AUH: variants seen among roughly 807,000 people sequenced by gnomAD.
AUH encodes methylglutaconyl-CoA hydratase, mitochondrial.
A neutral mutation model predicts 42.3 loss-of-function variants in AUH; 29 were observed. The observed-to-expected ratio is 0.69, with a 90% CI of 0.51 to 0.93. The LOEUF is 0.93. Ranked by LOEUF, AUH falls within the 40% of genes least tolerant of loss-of-function variation. The pLI, the probability that AUH is intolerant of heterozygous loss-of-function variation, is 0.00. For synonymous variants in AUH, 174 were observed against 166.4 expected (o/e 1.05, Z -0.35); for missense variants, 452 against 438.1 (o/e 1.03, Z -0.28).
At chr9:91,307,690 C>T (rs1473321323) in intron 4 of AUH, among the ~76,000 whole-genome samples, 1 of 152,076 alleles carries the variant, frequency 6.6e-6, no homozygotes, top group Non-Finnish European at 1.5e-5. Flanking sequence ...CCGTTTTATT[C>T]CTAGTTATTG....
chr9:91,254,973 A>T (rs943457377), intron 6 of AUH, among the ~76,000 whole-genome samples: 5 of 152,232 alleles, frequency 3.3e-5, no homozygotes, highest in Admixed American at 1.3e-4. Flanking sequence ...GCATAAACTC[A>T]AAGGAAAACT....
intron 4 of AUH, among the ~76,000 whole-genome samples, chr9:91,308,774 T>C (rs1828433908): frequency 6.6e-6 from 1 of 151,832 alleles, no homozygotes; most frequent in Admixed American, 6.6e-5. Flanking sequence ...TTTGAAAATG[T>C]TCCTTATTAA....
chr9:91,361,876 A>AC lies in AUH; in HGVS notation c.13dup (p.Val5GlyfsTer66). Reference sequence around the variant, plus strand: ...TCCCAAGGCCCCAGGTGCCGCCGCCACCGCGGCCGCCATGTTGTCTGTTTA... The same window carrying AC: ...TCCCAAGGCCCCAGGTGCCGCCGCCACCCGCGGCCGCCATGTTGTCTGTTTA... On this transcript the variant is annotated frameshift_variant, in exon 1 of 10. Coordinates refer to ENST00000375731, the MANE Select transcript of AUH (RefSeq NM_001698.3). LOFTEE classifies it high-confidence loss of function. 6.8e-7 allele frequency: 1 copy of AC among 1,465,618 alleles called. No homozygotes were observed. The highest frequency in any genetic ancestry group is 9.0e-7 in the Non-Finnish European group (1 of 1,115,066). 90.8% of individuals were successfully genotyped at this position (1,465,618 alleles called of 1,614,324 possible).
At chr9:91,308,981 G>A (rs1828459971) in intron 4 of AUH, among the ~76,000 whole-genome samples, 1 of 151,586 alleles carries the variant, frequency 6.6e-6, no homozygotes, top group South Asian at 2.1e-4. Context: ...TAGCAGCGAT[G>A]GGGTTTCACC....
intron 6 of AUH, among the ~76,000 whole-genome samples, chr9:91,259,225 CTCATG>C (rs1829572593): frequency 6.6e-6 from 1 of 152,174 alleles, no homozygotes; most frequent in African/African-American, 2.4e-5. Context: ...ATTCCCTATT[CTCATG>C]TCATGTTTTG....
At chr9:91,254,034 G>A (rs937926930) in intron 6 of AUH, among the ~76,000 whole-genome samples, 9 of 152,104 alleles carry the variant, frequency 5.9e-5, no homozygotes, top group Non-Finnish European at 1.2e-4. Flanking sequence ...TAAAACTAAT[G>A]TCCTTTCTGG....
intron 5 of AUH, among the ~76,000 whole-genome samples, chr9:91,297,124 G>A (rs560390874): frequency 2.0e-5 from 3 of 152,338 alleles, no homozygotes; most frequent in East Asian, 1.9e-4. Context: ...ATCAGTCTAC[G>A]TTGCTCTCAT....
At chr9:91,242,149 A>G (rs1429260252) in intron 6 of AUH, among the ~76,000 whole-genome samples, 1 of 152,174 alleles carries the variant, frequency 6.6e-6, no homozygotes, top group Non-Finnish European at 1.5e-5. Flanking sequence ...AGGGCGAGTG[A>G]GTCAAGGAAG....
At chr9:91,344,087 T>C (rs1284364792) in intron 3 of AUH, among the ~76,000 whole-genome samples, 1 of 152,116 alleles carries the variant, frequency 6.6e-6, no homozygotes, top group Non-Finnish European at 1.5e-5. Context: ...TGACCAGCAT[T>C]AACATCAACA....
At chr9:91,300,860 T>C (rs1191927239) in intron 4 of AUH, among the ~76,000 whole-genome samples, 1 of 152,222 alleles carries the variant, frequency 6.6e-6, no homozygotes, top group Non-Finnish European at 1.5e-5. Flanking sequence ...CCCCTACTTG[T>C]CTGTCGAGGC....
chr9:91,260,057 A>C (rs868262008), intron 6 of AUH, among the ~76,000 whole-genome samples: 1 of 152,120 alleles, frequency 6.6e-6, no homozygotes, highest in African/African-American at 2.4e-5. Context: ...CATTCTATGT[A>C]TATTGAAGTT....
intron 4 of AUH, 22 bp downstream of exon 4, chr9:91,325,296 A>G (rs1829890275): frequency 6.2e-7 from 1 of 1,600,950 alleles, no homozygotes; most frequent in East Asian, 2.2e-5. Flanking sequence ...GCATGCTGAA[A>G]GAAGAACTTA....
chr9:91,271,852 T>C (rs959887872), intron 6 of AUH, among the ~76,000 whole-genome samples: 1 of 152,162 alleles, frequency 6.6e-6, no homozygotes, highest in Admixed American at 6.5e-5. Flanking sequence ...GGCTAATTCT[T>C]TGTATTTTTA....
chr9:91,322,736 A>G (rs1001348245), intron 4 of AUH, among the ~76,000 whole-genome samples: 8 of 152,206 alleles, frequency 5.3e-5, no homozygotes, highest in Admixed American at 5.2e-4. Context: ...AACACAAAAC[A>G]AAATTAAAAG....
intron 3 of AUH, among the ~76,000 whole-genome samples, chr9:91,326,627 C>T (rs1379004585): frequency 6.6e-6 from 1 of 152,000 alleles, no homozygotes; most frequent in Non-Finnish European, 1.5e-5. Flanking sequence ...AACAATAATG[C>T]TATTCAGGGA....
chr9:91,343,426 G>A (rs768738204), intron 3 of AUH, among the ~76,000 whole-genome samples: 1 of 152,326 alleles, frequency 6.6e-6, no homozygotes, highest in African/African-American at 2.4e-5. Flanking sequence ...CTAATGTTTT[G>A]CTAGTATTTA....
intron 1 of AUH, among the ~76,000 whole-genome samples, chr9:91,358,838 A>G (rs1438366775): frequency 6.6e-6 from 1 of 152,236 alleles, no homozygotes; most frequent in Non-Finnish European, 1.5e-5. Context: ...TGAATTATCT[A>G]ATATGTAACA....
intron 6 of AUH, among the ~76,000 whole-genome samples, chr9:91,279,160 T>C (rs919964459): frequency 6.6e-6 from 1 of 152,202 alleles, no homozygotes; most frequent in Non-Finnish European, 1.5e-5. Flanking sequence ...AGAAAAATTA[T>C]CGCAAACAAC....
chr9:91,291,430 A>G (rs185578814), intron 6 of AUH, among the ~76,000 whole-genome samples: 3 of 152,336 alleles, frequency 2.0e-5, no homozygotes, highest in African/African-American at 7.2e-5. Flanking sequence ...AATTTCAGAA[A>G]TATGTCACAT....
Sources: allele counts gnomAD v4.1 joint callset (sites outside exome capture counted in the v4.1 genomes callset), GRCh38; gene constraint gnomAD v4.1.1; transcripts MANE v1.5; gene names NCBI Gene and HGNC (gene_info 2026-07-23, HGNC 2026-07-21).